Variants in TTC23L observed in about 807,000 individuals in gnomAD.
TTC23L encodes the protein tetratricopeptide repeat domain 23 like, also known as tetratricopeptide repeat protein 23-like.
A neutral mutation model predicts 48.1 loss-of-function variants in TTC23L; 42 were observed. The observed-to-expected ratio is 0.87, with a 90% CI of 0.68 to 1.13. TTC23L has a LOEUF of 1.13. Among genes scored for constraint, TTC23L ranks in the 50% most tolerant of loss-of-function variants. The pLI is 0.00. For missense variants in TTC23L, 391 were observed against 421.0 expected (o/e 0.93, Z 0.62); for synonymous variants, 159 against 157.2 (o/e 1.01, Z -0.09).
At chr5:34,899,009 C>T (rs1763401810) in intron 10 of TTC23L, among the ~76,000 whole-genome samples, 1 of 152,036 alleles carries the variant, frequency 6.6e-6, no homozygotes, top group Non-Finnish European at 1.5e-5. Flanking sequence ...TGTAAGTCTC[C>T]GAGCTCGTGA....
intron 8 of TTC23L, among the ~76,000 whole-genome samples, chr5:34,874,527 TAAAAAGAGAA>T (rs1210899530): frequency 1.3e-5 from 2 of 152,004 alleles, no homozygotes; most frequent in African/African-American, 4.8e-5. Context: ...ACTGATATGC[TAAAAAGAGAA>T]ACTGGAATAT....
chr5:34,868,986 G>A, exon 8 of TTC23L: 1 of 1,609,376 alleles, frequency 6.2e-7, no homozygotes, highest in Non-Finnish European at 8.5e-7. Flanking sequence ...CAAAGCTTAT[G>A]CCATGTCTGG....
At chr5:34,896,027 A>G (rs138425947) in intron 9 of TTC23L, among the ~76,000 whole-genome samples, 2,464 of 152,318 alleles carry the variant, frequency 0.016, 21 homozygotes, top group Non-Finnish European at 0.024. Context: ...GTAGCCAAAC[A>G]AGGGGCAGCA....
At chr5:34,922,124 T>C in the TTC23L span, 1 of 670,746 alleles carries the variant, frequency 1.5e-6, no homozygotes, top group Admixed American at 2.8e-5. Context: ...GTTAGGTATT[T>C]TTGAGATAAT....
chr5:34,913,460 C>T, the TTC23L span: 3 of 1,483,572 alleles, frequency 2.0e-6, no homozygotes, highest in Non-Finnish European at 9.2e-7. Context: ...TTATACTGAT[C>T]ATAGTTTACC....
intron 6 of TTC23L, 68 bp from the exon 7 acceptor site, chr5:34,866,823 CA>C: frequency 7.1e-7 from 1 of 1,405,932 alleles, no homozygotes. Context: ...TTCTTGGAAT[CA>C]GTTCCTTTTG....
rs573740173 is a variant in TTC23L, at chr5:34,894,957, AG to A, written c.1078-1810del. 2.5e-3 allele frequency among the ~76,000 whole-genome samples: 377 copies of A among 152,202 alleles called. 4 individuals are homozygous for A. Among genetic ancestry groups the A allele is most frequent in the African/African-American group, 8.7e-3 (359 of 41,496 alleles). ...AAGATGACAATGATTGCAGATGGAA[AG>A]GGAAGGATGACTAATCAGAAGCCAT... is the stretch of plus-strand genomic sequence containing the variant. On this transcript the variant is annotated intron_variant, in intron 9 of 10. Transcript: ENST00000505624.
intron 9 of TTC23L, among the ~76,000 whole-genome samples, chr5:34,887,522 A>G (rs1298788015): frequency 6.6e-6 from 1 of 152,210 alleles, no homozygotes; most frequent in Non-Finnish European, 1.5e-5. Flanking sequence ...ACAGTAGGAA[A>G]CAAAACAAAA....
At chr5:34,840,519 A>G (rs1253194458) in intron 1 of TTC23L, 146 bp from the exon 2 acceptor site, 2 of 658,644 alleles carry the variant, frequency 3.0e-6, no homozygotes, top group South Asian at 3.7e-5. Context: ...AGCGGTCTCC[A>G]TATCTAAGTA....
chr5:34,848,687 A>G (rs1759419543), intron 3 of TTC23L, among the ~76,000 whole-genome samples: 1 of 152,130 alleles, frequency 6.6e-6, no homozygotes, highest in African/African-American at 2.4e-5. Flanking sequence ...AAGCAGTGGG[A>G]GCAGCACGTG....
At chr5:34,866,562 A>G (rs1210978465) in intron 6 of TTC23L, among the ~76,000 whole-genome samples, 1 of 152,142 alleles carries the variant, frequency 6.6e-6, no homozygotes, top group African/African-American at 2.4e-5. Flanking sequence ...GAGGTAATAA[A>G]ATTTTATTTT....
At chr5:34,877,811 C>T (rs774905866) in intron 8 of TTC23L, among the ~76,000 whole-genome samples, 1 of 152,044 alleles carries the variant, frequency 6.6e-6, no homozygotes, top group Non-Finnish European at 1.5e-5. Flanking sequence ...TTTTCAGCAT[C>T]ATAATGGAAG....
chr5:34,902,615 TCTG>T (rs1363455324), downstream of TTC23L, among the ~76,000 whole-genome samples: 1 of 152,154 alleles, frequency 6.6e-6, no homozygotes, highest in Non-Finnish European at 1.5e-5. Flanking sequence ...TGAGTTGTGT[TCTG>T]CTGTGGCAGA....
At chr5:34,874,113 G>T (rs1761662823) in intron 8 of TTC23L, among the ~76,000 whole-genome samples, 1 of 152,084 alleles carries the variant, frequency 6.6e-6, no homozygotes. Flanking sequence ...AGGTCACATG[G>T]CAAACCAGTG....
At chr5:34,887,467 A>G (rs1580482652) in intron 9 of TTC23L, among the ~76,000 whole-genome samples, 1 of 152,190 alleles carries the variant, frequency 6.6e-6, no homozygotes, top group East Asian at 1.9e-4. Context: ...GACTCTTAAC[A>G]TGGAGTGATA....
At chr5:34,885,399 T>C (rs780602291) in intron 9 of TTC23L, among the ~76,000 whole-genome samples, 16 of 152,176 alleles carry the variant, frequency 1.1e-4, no homozygotes, top group Non-Finnish European at 2.4e-4. Context: ...ATAATGTTAT[T>C]GTAGATATGT....
chr5:34,911,513 G>C, the TTC23L span: 1 of 1,604,380 alleles, frequency 6.2e-7, no homozygotes, highest in East Asian at 2.2e-5. Context: ...GGAAGATGGA[G>C]TACAGACCAC....
chr5:34,906,759 A>T, the TTC23L span: 1 of 152,224 alleles, frequency 6.6e-6, no homozygotes, highest in East Asian at 1.9e-4. Flanking sequence ...CATCTAACAG[A>T]GTTACTAAAT....
intron 9 of TTC23L, chr5:34,888,527 C>G: frequency 8.1e-6 from 8 of 985,298 alleles, no homozygotes; most frequent in Non-Finnish European, 9.6e-6. Context: ...CCTCCTTACC[C>G]TGTGGCAGAG....
Sources: gnomAD v4.1 joint callset for allele counts (sites outside exome capture counted in the v4.1 genomes callset) on GRCh38, gnomAD v4.1.1 for gene constraint, MANE v1.5 for transcripts, NCBI Gene and HGNC (gene_info 2026-07-23, HGNC 2026-07-21) for gene names.